The following ROBO1 variants were observed in gnomAD, a reference collection of about 807,000 sequenced individuals.
ROBO1 encodes the protein roundabout guidance receptor 1.
A neutral mutation model predicts 195.9 loss-of-function variants in ROBO1; 149 were observed. That is an observed-to-expected ratio of 0.76 (90% CI 0.67 to 0.87). The LOEUF is 0.87. Among genes scored for constraint, ROBO1 ranks in the 40% least tolerant of loss-of-function variants. ROBO1 has a pLI of 0.00. For synonymous variants in ROBO1, 816 were observed against 733.2 expected, an observed-to-expected ratio of 1.11 and a Z score of -1.82; for missense variants, 1,933 against 2,068.3, an observed-to-expected ratio of 0.93 and a Z score of 1.27.
intron 2 of ROBO1, among the ~76,000 whole-genome samples, chr3:79,308,538 G>A (rs1004427804): frequency 2.0e-5 from 3 of 152,066 alleles, no homozygotes; most frequent in Non-Finnish European, 4.4e-5. Flanking sequence ...GTGTGGAAAT[G>A]GCAGTAAGCA....
intron 2 of ROBO1, among the ~76,000 whole-genome samples, chr3:79,270,223 C>T (rs1391262470): frequency 2.0e-5 from 3 of 150,746 alleles, no homozygotes; most frequent in African/African-American, 7.3e-5. Flanking sequence ...CTCTCTCTCA[C>T]ATACACACAC....
At chr3:78,652,956 C>T (rs1306420829) in intron 18 of ROBO1, among the ~76,000 whole-genome samples, 1 of 151,916 alleles carries the variant, frequency 6.6e-6, no homozygotes, top group Admixed American at 6.6e-5. Context: ...CCTGAGGGTG[C>T]CCACTGTGCA....
chr3:79,393,884 T>C (rs2037043573), intron 2 of ROBO1, among the ~76,000 whole-genome samples: 1 of 152,108 alleles, frequency 6.6e-6, no homozygotes, highest in African/African-American at 2.4e-5. Context: ...CTGAATAACA[T>C]CTGTGAAGAC....
rs2107527530 is a variant in ROBO1 at position 79,762,720 on chromosome 3, A to G, written c.-51+5032T>C. The stretch of plus-strand genomic sequence containing the variant: ...TTGATAATTCTGAAGACTGAAAAGA[A>G]GAATTCATGCTTCATATCACAGAGT... On this transcript the variant is annotated intron_variant, in intron 1 of 30. Coordinates refer to ENST00000464233, the MANE Select transcript of ROBO1 (RefSeq NM_002941.4). Among the ~76,000 whole-genome samples the G allele has an allele frequency of 1.3e-5, 2 of 152,252 alleles. 1 individual carries two copies. Among genetic ancestry groups the G allele is most frequent in the Non-Finnish European group, 2.9e-5 (2 of 68,018 alleles).
At chr3:79,534,531 G>A (rs1941782767) in intron 2 of ROBO1, among the ~76,000 whole-genome samples, 1 of 152,134 alleles carries the variant, frequency 6.6e-6, no homozygotes, top group South Asian at 2.1e-4. Flanking sequence ...GACAAAGCCT[G>A]AAAATCTCTG....
In ROBO1 at chr3:79,181,454, A is replaced by T. The variant is rs1039820013; in HGVS notation, c.89-55915T>A. Among the ~76,000 whole-genome samples, 12 of 152,210 alleles carry T rather than the reference A, an allele frequency of 7.9e-5. No individual in the cohort carries two copies. In the East Asian group the frequency reaches 2.3e-3, roughly 29 times the overall value. Reference sequence around the variant, plus strand: ...AGTCTATATATCATATTGAACTTAGATGCTCACAAATTCAAAGTGGGAGGC... The same window carrying T: ...AGTCTATATATCATATTGAACTTAGTTGCTCACAAATTCAAAGTGGGAGGC... On this transcript the variant is annotated intron_variant, in intron 2 of 30. Coordinates refer to ENST00000464233, the MANE Select transcript of ROBO1 (RefSeq NM_002941.4).
At chr3:79,551,980 T>TAAAAAAAAAAAAAA (rs771824432) in intron 2 of ROBO1, among the ~76,000 whole-genome samples, 2 of 44,262 alleles carry the variant, frequency 4.5e-5, no homozygotes, top group Admixed American at 4.7e-4. Flanking sequence ...TCTACAGAGT[T>TAAAAAAAAAAAAAA]AAAAAAAAAA....
chr3:79,268,626 T>G (rs1378059362), intron 2 of ROBO1, among the ~76,000 whole-genome samples: 1 of 151,652 alleles, frequency 6.6e-6, no homozygotes, highest in Admixed American at 6.6e-5. Flanking sequence ...CACTGCAATA[T>G]ATCCTGGTAA....
chr3:79,620,045 TGGTTAGGCATTCCTACAGGAACTC>T (rs1944955447), intron 1 of ROBO1, among the ~76,000 whole-genome samples: 1 of 152,208 alleles, frequency 6.6e-6, no homozygotes, highest in South Asian at 2.1e-4. Context: ...TAAGATGCAA[TGGTTAGGCATTCCTACAGGAACTC>T]CTCCCTCAAG....
chr3:78,945,380 G>C (rs1448380925), intron 3 of ROBO1, among the ~76,000 whole-genome samples: 1 of 152,160 alleles, frequency 6.6e-6, no homozygotes, highest in Non-Finnish European at 1.5e-5. Context: ...CTGTTCTGCA[G>C]ACACCGCTGC....
chr3:79,609,207 G>A lies in ROBO1; in HGVS notation c.-50-19246C>T, dbSNP rs554999921. 8.4e-4 allele frequency among the ~76,000 whole-genome samples: 127 copies of A among 151,136 alleles called. 1 individual carries two copies. Among genetic ancestry groups the A allele is most frequent in the African/African-American group, 3.0e-3 (125 of 41,214 alleles). Reference sequence around the variant, plus strand: ...CAATTCATCATTTTTAAAAAGGCCCGCCTTACCAAAATATCACCATTTTCT... The same window carrying A: ...CAATTCATCATTTTTAAAAAGGCCCACCTTACCAAAATATCACCATTTTCT... On this transcript the variant is annotated intron_variant, in intron 1 of 30. Coordinates refer to ENST00000464233, the MANE Select transcript of ROBO1 (RefSeq NM_002941.4).
intron 1 of ROBO1, among the ~76,000 whole-genome samples, chr3:79,623,696 A>C (rs1299052371): frequency 2.6e-5 from 4 of 152,282 alleles, no homozygotes; most frequent in Admixed American, 6.5e-5. Context: ...ATGGGACTTC[A>C]ATAAACGACC....
intron 4 of ROBO1, among the ~76,000 whole-genome samples, chr3:78,850,843 G>T (rs1415108513): frequency 6.7e-6 from 1 of 149,278 alleles, no homozygotes; most frequent in African/African-American, 2.5e-5. Context: ...TTTCACTCTT[G>T]TTGCCCAGGC....
chr3:78,760,717 C>G (rs2083077684), intron 4 of ROBO1, among the ~76,000 whole-genome samples: 1 of 152,066 alleles, frequency 6.6e-6, no homozygotes, highest in Non-Finnish European at 1.5e-5. Flanking sequence ...TCATGGCTCA[C>G]GGCAACATCA....
chr3:78,879,125 A>T (rs1385120961), intron 4 of ROBO1, among the ~76,000 whole-genome samples: 2 of 152,208 alleles, frequency 1.3e-5, no homozygotes, highest in African/African-American at 4.8e-5. Flanking sequence ...ACTAAATGGT[A>T]TGTGTAACAA....
chr3:79,196,877 G>C (rs1178960813), intron 2 of ROBO1, among the ~76,000 whole-genome samples: 1 of 151,708 alleles, frequency 6.6e-6, no homozygotes, highest in Non-Finnish European at 1.5e-5. Context: ...GTCTTTGAAT[G>C]CTTCAGATAA....
intron 10 of ROBO1, among the ~76,000 whole-genome samples, chr3:78,677,261 T>A (rs185616992): frequency 2.0e-3 from 308 of 152,252 alleles, no homozygotes; most frequent in Admixed American, 2.9e-3. Context: ...AGAAACTGCA[T>A]CAACCAATGA....
At chr3:79,705,241 G>A (rs1474336445) in intron 1 of ROBO1, among the ~76,000 whole-genome samples, 1 of 151,750 alleles carries the variant, frequency 6.6e-6, no homozygotes, top group Non-Finnish European at 1.5e-5. Context: ...TGCCTTTGAT[G>A]TTGTATCTAT....
chr3:78,850,747 C>T (rs965858421), intron 4 of ROBO1, among the ~76,000 whole-genome samples: 3 of 152,030 alleles, frequency 2.0e-5, no homozygotes, highest in African/African-American at 7.2e-5. Flanking sequence ...GATTGGGGTA[C>T]CACTCAATGC....
Sources: gnomAD v4.1 joint callset for allele counts (sites outside exome capture counted in the v4.1 genomes callset) on GRCh38, gnomAD v4.1.1 for gene constraint, MANE v1.5 for transcripts, NCBI Gene and HGNC (gene_info 2026-07-23, HGNC 2026-07-21) for gene names.